Variants in DLG2 observed in about 807,000 individuals in gnomAD.
DLG2 encodes discs large MAGUK scaffold protein 2.
Under a neutral mutation model 132.5 loss-of-function variants are expected in DLG2, and 45 were observed. The ratio of observed to expected loss-of-function variants is 0.34; its 90% CI spans 0.27 to 0.44. The LOEUF (loss-of-function observed/expected upper bound fraction) is 0.44. DLG2 is among the 20% of genes least tolerant of loss of function. DLG2 has a pLI of 1.00. For synonymous variants in DLG2, 424 were observed against 419.6 expected (o/e 1.01, Z -0.13); for missense variants, 1,045 against 1,196.9 (o/e 0.87, Z 1.87).
At chr11:84,929,518 G>C (rs1386607445) in intron 6 of DLG2, among the ~76,000 whole-genome samples, 1 of 152,022 alleles carries the variant, frequency 6.6e-6, no homozygotes, top group Admixed American at 6.6e-5. Context: ...CACATGTATA[G>C]ACAGATGCAG....
At chr11:83,842,400 T>C (rs1565298407) in intron 16 of DLG2, among the ~76,000 whole-genome samples, 6 of 150,430 alleles carry the variant, frequency 4.0e-5, no homozygotes, top group South Asian at 2.1e-4. Context: ...TTGAGACCAT[T>C]CTGGCCAACA....
rs551503902 is a variant in DLG2 at position 84,989,415 on chromosome 11, A to T, written c.357+122246T>A. Reference sequence around the variant, plus strand: ...GGTCTCAAACTCTTGACCTCAGGCGATCCACCCACCTTGGCCTCCCAAAGT... The same window carrying T: ...GGTCTCAAACTCTTGACCTCAGGCGTTCCACCCACCTTGGCCTCCCAAAGT... On this transcript the variant is annotated intron_variant, in intron 6 of 27. Transcript: ENST00000376104. 1.7e-4 allele frequency among the ~76,000 whole-genome samples: 26 copies of T among 152,270 alleles called. 2 individuals carry two copies. In the South Asian group the frequency reaches 5.4e-3, roughly 32 times the overall value.
intron 6 of DLG2, among the ~76,000 whole-genome samples, chr11:84,834,123 A>T (rs2079399504): frequency 6.6e-6 from 1 of 151,690 alleles, no homozygotes; most frequent in Admixed American, 6.6e-5. Context: ...AGGACAGTAG[A>T]AATAATTTCT....
Position 85,244,893 on chromosome 11 carries a change from A to G in DLG2, c.186+40327T>C, listed in dbSNP as rs76591054. Among the ~76,000 whole-genome samples the G allele has an allele frequency of 6.7e-3, 1,024 of 152,024 alleles. 9 individuals are homozygous for G. The highest frequency in any genetic ancestry group is 0.023 in the African/African-American group (974 of 41,524). ...GATATTGATCATGGGACAATTTCTC[A>G]TTTATCACAAGAAACTTTAGTAAAA... On this transcript the variant is annotated intron_variant, in intron 4 of 27. Coordinates refer to ENST00000376104, the MANE Select transcript of DLG2 (RefSeq NM_001142699.3).
intron 7 of DLG2, among the ~76,000 whole-genome samples, chr11:84,279,538 G>A (rs2097828677): frequency 6.6e-6 from 1 of 152,216 alleles, no homozygotes; most frequent in Non-Finnish European, 1.5e-5. Flanking sequence ...GTTCACAATA[G>A]CAAAGACTTA....
intron 6 of DLG2, among the ~76,000 whole-genome samples, chr11:84,927,570 C>T (rs967477891): frequency 3.3e-5 from 5 of 151,956 alleles, no homozygotes; most frequent in East Asian, 3.8e-4. Flanking sequence ...GTAAGCCATA[C>T]GATCTGTCAC....
At chr11:84,074,823 C>T (rs572824961) in intron 10 of DLG2, among the ~76,000 whole-genome samples, 4 of 152,202 alleles carry the variant, frequency 2.6e-5, no homozygotes, top group Admixed American at 6.5e-5. Flanking sequence ...CCACCGCGCC[C>T]GGCCCACAGT....
chr11:85,436,242 A>G (rs1412603404), intron 3 of DLG2, among the ~76,000 whole-genome samples: 1 of 152,222 alleles, frequency 6.6e-6, no homozygotes, highest in African/African-American at 2.4e-5. Context: ...TTCAGGACAT[A>G]GGCATGGGCA....
At chr11:83,512,295 G>A (rs2095068676) in intron 21 of DLG2, among the ~76,000 whole-genome samples, 1 of 152,144 alleles carries the variant, frequency 6.6e-6, no homozygotes, top group Non-Finnish European at 1.5e-5. Flanking sequence ...GAGAGGGCTG[G>A]AGCTCAGAGA....
intron 3 of DLG2, among the ~76,000 whole-genome samples, chr11:85,306,540 A>G (rs1378693657): frequency 6.6e-6 from 1 of 152,208 alleles, no homozygotes; most frequent in African/African-American, 2.4e-5. Context: ...TTTAGGAACT[A>G]TTAGTGGAGA....
intron 3 of DLG2, among the ~76,000 whole-genome samples, chr11:85,427,767 C>A (rs1426802818): frequency 1.3e-5 from 2 of 152,200 alleles, no homozygotes; most frequent in African/African-American, 4.8e-5. Flanking sequence ...ATCAAATTCA[C>A]ACATAACACT....
At chr11:84,822,633 CTA>C (rs1400077682) in intron 6 of DLG2, among the ~76,000 whole-genome samples, 1 of 151,866 alleles carries the variant, frequency 6.6e-6, no homozygotes, top group Non-Finnish European at 1.5e-5. Context: ...TTTCAAAGAA[CTA>C]TGTTTCTCTC....
At chr11:83,519,594 T>C in intron 21 of DLG2, among the ~76,000 whole-genome samples, 1 of 152,244 alleles carries the variant, frequency 6.6e-6, no homozygotes, top group East Asian at 1.9e-4. Flanking sequence ...TGTGAAGATT[T>C]AATGAGAAAA....
intron 6 of DLG2, 40 bp downstream of exon 6, chr11:85,111,621 T>C (rs143844410): frequency 7.4e-6 from 11 of 1,478,988 alleles, no homozygotes; most frequent in Non-Finnish European, 1.0e-5. Context: ...ATAAAAACAT[T>C]TATCCTTCAA....
At chr11:85,541,111 G>A (rs975100528) in intron 3 of DLG2, among the ~76,000 whole-genome samples, 2 of 152,088 alleles carry the variant, frequency 1.3e-5, no homozygotes, top group Non-Finnish European at 2.9e-5. Flanking sequence ...AGGTCCATAA[G>A]GCGGTCTTAC....
At chr11:84,308,069 A>G (rs1183510072) in intron 7 of DLG2, among the ~76,000 whole-genome samples, 1 of 152,168 alleles carries the variant, frequency 6.6e-6, no homozygotes, top group East Asian at 1.9e-4. Flanking sequence ...ACAACGCAGA[A>G]GTAGACCCCA....
chr11:84,000,464 A>G (rs2094288011), intron 11 of DLG2, among the ~76,000 whole-genome samples: 1 of 152,056 alleles, frequency 6.6e-6, no homozygotes, highest in Admixed American at 6.6e-5. Context: ...ATAATATTGC[A>G]TGAAAACTTC....
At chr11:83,981,624 G>C (rs1236680414) in intron 11 of DLG2, among the ~76,000 whole-genome samples, 1 of 151,856 alleles carries the variant, frequency 6.6e-6, no homozygotes, top group Non-Finnish European at 1.5e-5. Context: ...TAAATTTTTA[G>C]TAGACACTGA....
Position 83,541,833 on chromosome 11 carries a change from T to G in DLG2, c.1966A>C (p.Lys656Gln). 6.2e-7 allele frequency: 1 copy of G among 1,611,066 alleles called. No individual in the cohort carries two copies. The highest frequency in any genetic ancestry group is 8.5e-7 in the Non-Finnish European group (1 of 1,178,450). Residue 656 changes from lysine to glutamine, a missense_variant, in exon 20 of 28, where the codon AAG becomes CAG. This residue lies in a region of DLG2 where 398 missense variants were observed against 543.6 expected (regional missense o/e 0.73). Coordinates refer to ENST00000376104, the MANE Select transcript of DLG2 (RefSeq NM_001142699.3). ...VRAMFDYDKS[K>Q]DSGLPSQGLS... ...CCTTGACTTGGCAGCCCACTGTCCT[T>G]GCTCTTGTCGTAGTCGAACATGGCT...
Sources: allele counts gnomAD v4.1 joint callset (sites outside exome capture counted in the v4.1 genomes callset), GRCh38; gene constraint gnomAD v4.1.1; regional missense constraint gnomAD v4.1.1; transcripts MANE v1.5; gene names NCBI Gene and HGNC (gene_info 2026-07-23, HGNC 2026-07-21).